Variants in UGT1A9 observed in about 807,000 individuals in gnomAD.
UGT1A9 encodes UDP glucuronosyltransferase family 1 member A9, also known as UDP-glucuronosyltransferase 1A9.
A neutral mutation model predicts 45.0 loss-of-function variants in UGT1A9; 35 were observed. The ratio of observed to expected loss-of-function variants is 0.78; its 90% confidence interval spans 0.59 to 1.03. The LOEUF (loss-of-function observed/expected upper bound fraction) is 1.03. Ranked by LOEUF, UGT1A9 falls within the 50% of genes least tolerant of loss-of-function variation. The probability of loss-of-function intolerance (pLI) is 0.00; values close to 1 mark genes in which losing one functional copy is unlikely to be tolerated. For synonymous variants in UGT1A9, 278 were observed against 250.6 expected, an observed-to-expected ratio of 1.11 and a Z score of -1.03; for missense variants, 687 against 666.6, an observed-to-expected ratio of 1.03 and a Z score of -0.34.
intron 1 of UGT1A9, among the ~76,000 whole-genome samples, chr2:233,677,758 A>G (rs2074398846): frequency 6.6e-6 from 1 of 152,146 alleles, no homozygotes; most frequent in South Asian, 2.1e-4. Flanking sequence ...CCCCTGTGGG[A>G]AGTAGTTTGG....
chr2:233,724,460 G>T (rs551187141), intron 1 of UGT1A9, among the ~76,000 whole-genome samples: 1 of 114,598 alleles, frequency 8.7e-6, no homozygotes, highest in Non-Finnish European at 1.8e-5. Flanking sequence ...GCTGCCGGGC[G>T]GAGGGGCTCC....
At chr2:233,720,540 C>T (rs1283139859) in intron 1 of UGT1A9, among the ~76,000 whole-genome samples, 3 of 152,068 alleles carry the variant, frequency 2.0e-5, no homozygotes, top group African/African-American at 7.2e-5. Context: ...CACCCTATCC[C>T]ACTCCAAGTT....
chr2:233,702,001 G>A (rs553035619), intron 1 of UGT1A9, among the ~76,000 whole-genome samples: 30 of 152,034 alleles, frequency 2.0e-4, no homozygotes, highest in African/African-American at 7.0e-4. Context: ...GATCAGAGCA[G>A]AACTGAAGGA....
chr2:233,723,296 G>A (rs2077075568), intron 1 of UGT1A9, among the ~76,000 whole-genome samples: 1 of 113,420 alleles, frequency 8.8e-6, no homozygotes. Flanking sequence ...TGCAACCTCT[G>A]CCTCCCAGGT....
intron 1 of UGT1A9, among the ~76,000 whole-genome samples, chr2:233,698,540 G>A (rs2075446584): frequency 1.3e-5 from 2 of 152,274 alleles, no homozygotes; most frequent in African/African-American, 4.8e-5. Flanking sequence ...AACAGAACAC[G>A]AGTGGCCAAC....
chr2:233,701,384 C>T (rs558029810), intron 1 of UGT1A9, among the ~76,000 whole-genome samples: 5 of 152,108 alleles, frequency 3.3e-5, no homozygotes, highest in Non-Finnish European at 7.4e-5. Context: ...GACTCCCACA[C>T]AATAATAGTG....
chr2:233,761,232 A>G, intron 1 of UGT1A9: 1 of 1,613,036 alleles, frequency 6.2e-7, no homozygotes, highest in Non-Finnish European at 8.5e-7. Flanking sequence ...CCCCAGATAT[A>G]TGCTGAGCAA....
At chr2:233,748,166 C>T in intron 1 of UGT1A9, 1 of 1,593,318 alleles carries the variant, frequency 6.3e-7, no homozygotes, top group South Asian at 1.1e-5. Context: ...TCCATATCTA[C>T]TTATCTTTCT....
chr2:233,707,891 T>G (rs1264275324), intron 1 of UGT1A9, among the ~76,000 whole-genome samples: 1 of 152,254 alleles, frequency 6.6e-6, no homozygotes, highest in African/African-American at 2.4e-5. Flanking sequence ...GCATTAGTTA[T>G]GTACATGACT....
chr2:233,756,911 G>T (rs1386201221), intron 1 of UGT1A9, among the ~76,000 whole-genome samples: 2 of 152,132 alleles, frequency 1.3e-5, no homozygotes, highest in Non-Finnish European at 2.9e-5. Flanking sequence ...ACAAACTTCT[G>T]AGTTTATATA....
intron 1 of UGT1A9, among the ~76,000 whole-genome samples, chr2:233,737,754 T>C (rs1342701991): frequency 6.6e-6 from 1 of 152,182 alleles, no homozygotes; most frequent in Non-Finnish European, 1.5e-5. Context: ...AGTTTTTCAA[T>C]GTGAACATAT....
intron 1 of UGT1A9, chr2:233,756,080 A>T (rs1179999635): frequency 6.6e-6 from 1 of 152,234 alleles, no homozygotes; most frequent in African/African-American, 2.4e-5. Flanking sequence ...GACAATGAGA[A>T]AATCAAGTAA....
At chr2:233,729,474 G>C (rs1258880128) in intron 1 of UGT1A9, 53 of 1,614,092 alleles carry the variant, frequency 3.3e-5, no homozygotes, top group Non-Finnish European at 4.2e-5. Flanking sequence ...GTATGGCAAT[G>C]TTGAACAATA....
At position 233,672,589 on chromosome 2, in the gene UGT1A9, T is replaced by G; in HGVS notation, c.655T>G (p.Leu219Val). The change falls in exon 1 of 5, where the codon TTA (leucine) becomes GTA (valine). Residue 219 changes from leucine (L) to valine (V), a missense_variant. Leu to Val is a conservative substitution (Grantham distance 32). Coordinates refer to ENST00000354728, the MANE Select transcript of UGT1A9 (RefSeq NM_021027.3). Reference protein sequence around the residue: ...NHIMHLEEHLLCHRFFKNALE... With the variant: ...NHIMHLEEHLVCHRFFKNALE... ...CATCATGCACTTGGAGGAACATTTATTATGCCACCGTTTTTTCAAAAATGC... is the reference window on the plus strand; with the variant it reads ...CATCATGCACTTGGAGGAACATTTAGTATGCCACCGTTTTTTCAAAAATGC... The G allele has an allele frequency of 6.2e-7, 1 of 1,613,940 alleles. No homozygotes were observed. The highest frequency in any genetic ancestry group is 8.5e-7 in the Non-Finnish European group (1 of 1,179,838).
intron 1 of UGT1A9, chr2:233,761,188 C>A: frequency 6.2e-7 from 1 of 1,614,130 alleles, no homozygotes; most frequent in Non-Finnish European, 8.5e-7. Context: ...TGCGTATATT[C>A]TTTCAGATGT....
intron 1 of UGT1A9, among the ~76,000 whole-genome samples, chr2:233,749,373 T>C (rs1474844214): frequency 3.9e-5 from 6 of 151,924 alleles, no homozygotes; most frequent in Non-Finnish European, 7.3e-5. Flanking sequence ...TGCCCTTTTC[T>C]TCCAGTTTTT....
intron 1 of UGT1A9, among the ~76,000 whole-genome samples, chr2:233,676,918 CT>C (rs2074375590): frequency 1.3e-5 from 2 of 152,088 alleles, no homozygotes; most frequent in Non-Finnish European, 1.5e-5. Flanking sequence ...ACTTTGTATT[CT>C]GTTCTGTTGA....
intron 1 of UGT1A9, chr2:233,693,349 C>T: frequency 1.2e-6 from 2 of 1,614,196 alleles, no homozygotes; most frequent in East Asian, 4.5e-5. Context: ...ACAGGAATAA[C>T]ATGATTGTTA....
chr2:233,692,950 G>A lies in UGT1A9; in HGVS notation c.855+20161G>A, dbSNP rs1209522841. On this transcript the variant is annotated intron_variant, in intron 1 of 4. Coordinates refer to ENST00000354728, the MANE Select transcript of UGT1A9 (RefSeq NM_021027.3). ...TTTAGGGAAAATACCTAGGAGCCCT[G>A]TGATTTGGAGAGTGAAAACTCTTTA... is the stretch of plus-strand genomic sequence containing the variant. 7 of 1,602,458 alleles carry A rather than the reference G, an allele frequency of 4.4e-6. No homozygotes were observed. In the East Asian group the frequency reaches 1.1e-4, roughly 25 times the overall value.
Sources: gnomAD v4.1 joint callset for allele counts (sites outside exome capture counted in the v4.1 genomes callset) on GRCh38, gnomAD v4.1.1 for gene constraint, MANE v1.5 for transcripts, NCBI Gene and HGNC (gene_info 2026-07-23, HGNC 2026-07-21) for gene names.